PCDHGA4: variants seen among roughly 807,000 people sequenced by gnomAD.
PCDHGA4 encodes protocadherin gamma subfamily A, 4.
A neutral mutation model predicts 54.6 loss-of-function variants in PCDHGA4; 38 were observed. That is an observed-to-expected ratio of 0.70 (90% CI 0.54 to 0.91). The LOEUF (loss-of-function observed/expected upper bound fraction) is 0.91, where lower values mean the gene tolerates loss of function less well. PCDHGA4 is among the 40% of genes least tolerant of loss of function. The pLI is 0.00. For synonymous variants in PCDHGA4, 511 were observed against 512.9 expected (o/e 1.00, Z 0.05); for missense variants, 1,298 against 1,220.9 (o/e 1.06, Z -0.94).
rs766092387 is a variant in PCDHGA4 at position 141,491,171 on chromosome 5, T to C, written c.2515-3636T>C. 7.4e-6 allele frequency: 12 copies of C among 1,613,968 alleles called. No individual in the cohort carries two copies. The highest frequency in any genetic ancestry group is 1.3e-5 in the African/African-American group (1 of 74,904). On this transcript the variant is annotated intron_variant, in intron 1 of 3. Coordinates refer to ENST00000571252, the MANE Select transcript of PCDHGA4 (RefSeq NM_018917.4). The surrounding 1 kb of genome is among the most constrained non-coding windows in gnomAD (Gnocchi z 6.9). The stretch of plus-strand genomic sequence containing the variant: ...GAGGATGACTCTGACACCCAGCAGG[T>C]GGTGGTCCTGGTGAGGGACAATGGT...
At chr5:141,409,988 GCCGACT>G in intron 1 of PCDHGA4, 1 of 1,613,278 alleles carries the variant, frequency 6.2e-7, no homozygotes, top group East Asian at 2.2e-5. Context: ...AGCGGTGGAC[GCCGACT>G]CGGGACACAA....
rs757876687 is a variant in PCDHGA4 at position 141,413,273 on chromosome 5, G to A, written c.2514+55652G>A. On this transcript the variant is annotated intron_variant, in intron 1 of 3. Coordinates refer to ENST00000571252, the MANE Select transcript of PCDHGA4 (RefSeq NM_018917.4). The stretch of plus-strand genomic sequence containing the variant: ...GGGATTCCATGGGAGGCTGGAGCCC[G>A]GCAGATCTCCTACTCAATTCCTGAG... 4.3e-6 allele frequency: 7 copies of A among 1,613,920 alleles called. No homozygotes were observed. The highest frequency in any genetic ancestry group is 5.9e-6 in the Non-Finnish European group (7 of 1,179,902).
chr5:141,493,204 C>T lies in PCDHGA4; in HGVS notation c.2515-1603C>T, dbSNP rs2099746929. Among the ~76,000 whole-genome samples, 1 of 152,216 alleles carries T rather than the reference C, an allele frequency of 6.6e-6. No individual in the cohort carries two copies. Among genetic ancestry groups the T allele is most frequent in the Non-Finnish European group, 1.5e-5 (1 of 68,042 alleles). Reference sequence around the variant, plus strand: ...TATATAACTCCTTTGAGAACCTCATCTCATTTGCTCTTCCCACCATTGCTG... The same window carrying T: ...TATATAACTCCTTTGAGAACCTCATTTCATTTGCTCTTCCCACCATTGCTG... On this transcript the variant is annotated intron_variant, in intron 1 of 3. Transcript: ENST00000571252. This position sits in a 1 kb window ranked among gnomAD's most constrained non-coding sequence, Gnocchi z 4.3.
chr5:141,357,119 A>G lies in PCDHGA4; in HGVS notation c.2012A>G (p.Gln671Arg). The change falls in exon 1 of 4, where the codon CAG (glutamine) becomes CGG (arginine). Residue 671 changes from glutamine to arginine, a missense_variant. Physicochemically the swap from Gln to Arg is conservative, Grantham distance 43. Coordinates refer to ENST00000571252, the MANE Select transcript of PCDHGA4 (RefSeq NM_018917.4). Reference protein sequence around the residue: ...RALLDRDALKQRLVVVVQDHG... With the variant: ...RALLDRDALKRRLVVVVQDHG... The stretch of plus-strand genomic sequence containing the variant: ...CTGCTGGACAGAGACGCGCTCAAGC[A>G]GAGGCTTGTAGTGGTCGTCCAGGAC... 3.1e-6 allele frequency: 5 copies of G among 1,613,654 alleles called. No homozygotes were observed. Among genetic ancestry groups the G allele is most frequent in the African/African-American group, 1.3e-5 (1 of 75,066 alleles).
At chr5:141,403,928 G>A in intron 1 of PCDHGA4, 1 of 1,613,876 alleles carries the variant, frequency 6.2e-7, no homozygotes, top group Non-Finnish European at 8.5e-7. Flanking sequence ...AGATGGTGGG[G>A]GATTGAAAGG....
At chr5:141,383,007 G>T (rs1047921009) in intron 1 of PCDHGA4, 1 of 1,613,748 alleles carries the variant, frequency 6.2e-7, no homozygotes, top group Admixed American at 1.7e-5. Context: ...ACTCCGTGTC[G>T]GAGGAGACGG....
rs535002528 is a variant in PCDHGA4 at position 141,396,788 on chromosome 5, T to C, written c.2514+39167T>C. On this transcript the variant is annotated intron_variant, in intron 1 of 3. Transcript: ENST00000571252. ...GTTTGTTATTAATGAAAAGGACATT[T>C]CCTAAGGATTGTGTAGTGTTCTACT... Among the ~76,000 whole-genome samples, 53 of 152,322 alleles carry C rather than the reference T, an allele frequency of 3.5e-4. 2 individuals are homozygous for C. Among genetic ancestry groups the C allele is most frequent in the Admixed American group, 3.3e-3 (50 of 15,300 alleles).
At chr5:141,398,878 C>T in intron 1 of PCDHGA4, 2 of 1,613,968 alleles carry the variant, frequency 1.2e-6, no homozygotes, top group Non-Finnish European at 1.7e-6. Context: ...CAGAGTCAGC[C>T]TTCGGGAAAA....
intron 1 of PCDHGA4, chr5:141,371,107 A>AC (rs1370451724): frequency 5.0e-6 from 8 of 1,613,532 alleles, no homozygotes; most frequent in East Asian, 2.2e-5. Flanking sequence ...GCAAATGATA[A>AC]CCCCCCAGTA....
intron 1 of PCDHGA4, among the ~76,000 whole-genome samples, chr5:141,429,781 A>G (rs2097245343): frequency 1.3e-5 from 2 of 152,186 alleles, no homozygotes; most frequent in Non-Finnish European, 2.9e-5. Context: ...TGGGCTTCCA[A>G]AAGTATTACC....
chr5:141,392,836 C>G, intron 1 of PCDHGA4: 1 of 1,608,040 alleles, frequency 6.2e-7, no homozygotes, highest in Non-Finnish European at 8.5e-7. Flanking sequence ...CAGAGTCGCC[C>G]CAGACGCGGC....
intron 3 of PCDHGA4, 154 bp from the exon 4 acceptor site, chr5:141,510,793 G>GAGA: frequency 1.1e-6 from 1 of 935,078 alleles, no homozygotes; most frequent in Non-Finnish European, 1.3e-6. Context: ...CTCTTGTGAA[G>GAGA]AGAGACTACC....
At chr5:141,419,359 G>C (rs1257423360) in intron 1 of PCDHGA4, 1 of 1,613,796 alleles carries the variant, frequency 6.2e-7, no homozygotes. Flanking sequence ...AGTCACGAAC[G>C]CTGTCGTCCT....
chr5:141,455,343 G>A (rs1462807460), intron 1 of PCDHGA4, among the ~76,000 whole-genome samples: 1 of 152,036 alleles, frequency 6.6e-6, no homozygotes, highest in African/African-American at 2.4e-5. Flanking sequence ...TTTAAGGAGC[G>A]GAGAGTTTAA....
In PCDHGA4 at chr5:141,355,920, C is replaced by G. The variant is rs1760043730; in HGVS notation, c.813C>G (p.Pro271=). ...IILVDTNDNA[P]VFTQPEYHVS... ...TTGTGGATACCAACGATAATGCTCC[C>G]GTGTTCACTCAGCCCGAGTACCACG... is the stretch of plus-strand genomic sequence containing the variant. The change falls in exon 1 of 4, where the codon CCC becomes CCG. Residue 271 remains proline (P), a synonymous_variant. Coordinates refer to ENST00000571252, the MANE Select transcript of PCDHGA4 (RefSeq NM_018917.4). 6.2e-7 allele frequency: 1 copy of G among 1,613,790 alleles called. No homozygotes were observed. Among genetic ancestry groups the G allele is most frequent in the Non-Finnish European group, 8.5e-7 (1 of 1,179,858 alleles).
At position 141,477,415 on chromosome 5, in the gene PCDHGA4, A is replaced by T. The variant is rs771293212; in HGVS notation, c.2515-17392A>T. On this transcript the variant is annotated intron_variant, in intron 1 of 3. Coordinates refer to ENST00000571252, the MANE Select transcript of PCDHGA4 (RefSeq NM_018917.4). This position sits in a 1 kb window ranked among gnomAD's most constrained non-coding sequence, Gnocchi z 4.9. ...TCAGCATCACCGCCCGAGACGCCGG[A>T]ACCCCTTCCCTCTCAGCCCTTACAA... 12 of 1,614,162 alleles carry T rather than the reference A, an allele frequency of 7.4e-6. No individual in the cohort carries two copies. The highest frequency in any genetic ancestry group is 1.0e-5 in the Non-Finnish European group (12 of 1,180,020).
At chr5:141,380,617 C>T (rs1024348906) in intron 1 of PCDHGA4, among the ~76,000 whole-genome samples, 3 of 152,156 alleles carry the variant, frequency 2.0e-5, no homozygotes, top group Admixed American at 6.5e-5. Context: ...TTATGATGTT[C>T]GATAACTTAG....
At chr5:141,478,816 A>G in intron 1 of PCDHGA4, 1 of 1,450,826 alleles carries the variant, frequency 6.9e-7, no homozygotes, top group Non-Finnish European at 9.1e-7. Context: ...TATCACAACT[A>G]ACCAATCTTG....
At chr5:141,369,176 A>G (rs1766073414) in intron 1 of PCDHGA4, among the ~76,000 whole-genome samples, 1 of 152,212 alleles carries the variant, frequency 6.6e-6, no homozygotes, top group Non-Finnish European at 1.5e-5. Context: ...GTAAATAACA[A>G]AAAGTTAGGA....
Sources: allele counts gnomAD v4.1 joint callset (sites outside exome capture counted in the v4.1 genomes callset), GRCh38; gene constraint gnomAD v4.1.1; non-coding constraint Gnocchi (gnomAD v3.1); transcripts MANE v1.5; gene names NCBI Gene and HGNC (gene_info 2026-07-23, HGNC 2026-07-21).